The following NRXN1 variants were observed in gnomAD, a reference collection of about 807,000 sequenced individuals.
NRXN1 encodes neurexin 1.
Under a neutral mutation model 150.9 loss-of-function variants are expected in NRXN1, and 39 were observed. That is an observed-to-expected ratio of 0.26 (90% CI 0.20 to 0.34). The LOEUF (loss-of-function observed/expected upper bound fraction) is 0.34, where lower values mean the gene tolerates loss of function less well. Among genes scored for constraint, NRXN1 ranks in the 10% least tolerant of loss-of-function variants. The pLI, the probability that NRXN1 is intolerant of heterozygous loss-of-function variation, is 1.00. For synonymous variants in NRXN1, 924 were observed against 757.0 expected (o/e 1.22, Z -3.62); for missense variants, 1,815 against 1,949.9 (o/e 0.93, Z 1.30).
chr2:50,280,286 A>T (rs1030996075), intron 17 of NRXN1, among the ~76,000 whole-genome samples: 3 of 152,060 alleles, frequency 2.0e-5, no homozygotes, highest in Non-Finnish European at 4.4e-5. Context: ...TCAAAAAAAA[A>T]AAAAAAAACA....
In NRXN1 at chr2:50,243,683, A is replaced by G. The variant is rs554618833; in HGVS notation, c.3365-6713T>C. Among the ~76,000 whole-genome samples, 540 of 151,968 alleles carry G rather than the reference A, an allele frequency of 3.6e-3. 6 individuals are homozygous for G. Among genetic ancestry groups the G allele is most frequent in the South Asian group, 0.02 (97 of 4,828 alleles). On this transcript the variant is annotated intron_variant, in intron 17 of 22. Transcript: ENST00000401669. ...CACTGTCATACCTCCAGTATCCAGGAGGACTCATTAGGTGTTAACAATTAA... is the reference window on the plus strand; with the variant it reads ...CACTGTCATACCTCCAGTATCCAGGGGGACTCATTAGGTGTTAACAATTAA...
intron 5 of NRXN1, among the ~76,000 whole-genome samples, chr2:50,815,432 C>T (rs1668794117): frequency 6.6e-6 from 1 of 152,084 alleles, no homozygotes; most frequent in Non-Finnish European, 1.5e-5. Flanking sequence ...TACTAAAACA[C>T]AGTAACAATA....
intron 18 of NRXN1, among the ~76,000 whole-genome samples, chr2:50,121,766 G>C (rs1362382623): frequency 1.3e-5 from 2 of 152,164 alleles, no homozygotes; most frequent in Non-Finnish European, 2.9e-5. Flanking sequence ...AAACATCCTA[G>C]TACTTTGTTA....
At chr2:50,802,223 G>T (rs1707693043) in intron 5 of NRXN1, among the ~76,000 whole-genome samples, 1 of 152,078 alleles carries the variant, frequency 6.6e-6, no homozygotes, top group African/African-American at 2.4e-5. Flanking sequence ...TGGGTGCAGT[G>T]GCTCATGCAT....
intron 15 of NRXN1, among the ~76,000 whole-genome samples, chr2:50,488,279 C>T (rs1430579314): frequency 6.6e-6 from 1 of 152,192 alleles, no homozygotes; most frequent in Non-Finnish European, 1.5e-5. Context: ...TTCCCTCAAC[C>T]TGGCACAGGG....
intron 16 of NRXN1, among the ~76,000 whole-genome samples, chr2:50,467,290 G>C (rs2088990782): frequency 6.6e-6 from 1 of 151,580 alleles, no homozygotes; most frequent in Non-Finnish European, 1.5e-5. Flanking sequence ...ACCTATCTTA[G>C]AGGAGGGTGA....
intron 18 of NRXN1, among the ~76,000 whole-genome samples, chr2:50,188,229 A>G (rs2061213713): frequency 6.6e-6 from 1 of 152,094 alleles, no homozygotes; most frequent in Admixed American, 6.6e-5. Flanking sequence ...CACATCTACA[A>G]CCATTTGATC....
At chr2:49,959,504 C>T (rs539129891) in intron 21 of NRXN1, among the ~76,000 whole-genome samples, 3 of 152,276 alleles carry the variant, frequency 2.0e-5, no homozygotes, top group Non-Finnish European at 4.4e-5. Context: ...AATTGAGAAG[C>T]CCTGGTACAG....
intron 13 of NRXN1, among the ~76,000 whole-genome samples, chr2:50,499,538 G>A (rs1374894010): frequency 6.6e-6 from 1 of 151,806 alleles, no homozygotes; most frequent in Non-Finnish European, 1.5e-5. Flanking sequence ...ATTGTTCTGT[G>A]GGGATCTACT....
chr2:50,543,109 T>G (rs576110581), intron 9 of NRXN1, among the ~76,000 whole-genome samples: 1 of 152,278 alleles, frequency 6.6e-6, no homozygotes, highest in African/African-American at 2.4e-5. Flanking sequence ...ATAAATACAT[T>G]TTTAAGAGAA....
chr2:50,054,531 C>T (rs1693300555), intron 20 of NRXN1, among the ~76,000 whole-genome samples: 1 of 152,020 alleles, frequency 6.6e-6, no homozygotes, highest in Non-Finnish European at 1.5e-5. Flanking sequence ...ATTTAAGATT[C>T]CTAGAGTTTA....
intron 5 of NRXN1, among the ~76,000 whole-genome samples, chr2:50,824,317 T>A (rs879729492): frequency 6.6e-6 from 1 of 151,930 alleles, no homozygotes; most frequent in Non-Finnish European, 1.5e-5. Flanking sequence ...TGTGTGTGTG[T>A]GTGTGTGTGA....
chr2:50,082,351 T>C (rs781278778), intron 19 of NRXN1, among the ~76,000 whole-genome samples: 2 of 152,154 alleles, frequency 1.3e-5, no homozygotes, highest in Non-Finnish European at 2.9e-5. Flanking sequence ...TAACCCTTCA[T>C]TATGATAAGA....
rs528286155 is a variant in NRXN1 at position 50,143,248 on chromosome 2, T to C, written c.3547-51754A>G. Among the ~76,000 whole-genome samples, 3 of 151,802 alleles carry C rather than the reference T, an allele frequency of 2.0e-5. No homozygotes were observed. In the East Asian group the frequency reaches 5.8e-4, roughly 30 times the overall value. Reference sequence around the variant, plus strand: ...ATGCACCATGAAAAGGAGATACATATACAAATATGCAAAGGGACATGCAGA... The same window carrying C: ...ATGCACCATGAAAAGGAGATACATACACAAATATGCAAAGGGACATGCAGA... On this transcript the variant is annotated intron_variant, in intron 18 of 22. Transcript: ENST00000401669.
chr2:50,599,692 G>A (rs958303562), intron 8 of NRXN1, among the ~76,000 whole-genome samples: 1 of 152,168 alleles, frequency 6.6e-6, no homozygotes, highest in Non-Finnish European at 1.5e-5. Context: ...AGGAATACAT[G>A]ATCAGGAAAT....
Position 50,656,680 on chromosome 2 carries a change from A to C in NRXN1, c.833-33065T>G, listed in dbSNP as rs796150678. Among the ~76,000 whole-genome samples the C allele has an allele frequency of 8.6e-5, 13 of 151,834 alleles. No homozygotes were observed. The South Asian group carries it at 2.7e-3, about 31-fold the overall frequency. On this transcript the variant is annotated intron_variant, in intron 5 of 22. Coordinates refer to ENST00000401669, the MANE Select transcript of NRXN1 (RefSeq NM_001330078.2). ...AATTTCATGATGGACTAGCTACTTC[A>C]CAGCCCTCATGTCCCCACCACTCCA...
intron 5 of NRXN1, among the ~76,000 whole-genome samples, chr2:50,810,208 A>T (rs1165677298): frequency 6.6e-6 from 1 of 152,176 alleles, no homozygotes; most frequent in Non-Finnish European, 1.5e-5. Context: ...CATTTCTTTA[A>T]TATGGTAAAG....
At chr2:50,066,875 C>T (rs1315678260) in intron 19 of NRXN1, among the ~76,000 whole-genome samples, 1 of 152,124 alleles carries the variant, frequency 6.6e-6, no homozygotes, top group Non-Finnish European at 1.5e-5. Context: ...CACATTTCAA[C>T]TTTGTTCCCA....
chr2:50,875,902 C>T (rs947473095), intron 5 of NRXN1, among the ~76,000 whole-genome samples: 1 of 151,792 alleles, frequency 6.6e-6, no homozygotes, highest in Non-Finnish European at 1.5e-5. Context: ...CCTCACCCTA[C>T]AGAATGCAGC....
Sources: allele counts gnomAD v4.1 joint callset (sites outside exome capture counted in the v4.1 genomes callset), GRCh38; gene constraint gnomAD v4.1.1; transcripts MANE v1.5; gene names NCBI Gene and HGNC (gene_info 2026-07-23, HGNC 2026-07-21).